Variants in PDE1C observed in about 807,000 individuals in gnomAD.
PDE1C encodes the protein phosphodiesterase 1C, also known as dual specificity calcium/calmodulin-dependent 3',5'-cyclic nucleotide phosphodiesterase 1C.
In PDE1C, 62 loss-of-function variants were observed where a neutral mutation model predicts 93.1. The observed-to-expected ratio is 0.67, with a 90% CI of 0.54 to 0.82. The LOEUF (loss-of-function observed/expected upper bound fraction) is 0.82, where lower values mean the gene tolerates loss of function less well. Among genes scored for constraint, PDE1C ranks in the 40% least tolerant of loss-of-function variants. The pLI is 0.00. For missense variants in PDE1C, 742 were observed against 884.6 expected (o/e 0.84, Z 2.04); for synonymous variants, 325 against 310.1 (o/e 1.05, Z -0.50).
chr7:31,853,342 A>G (rs3801344), intron 7 of PDE1C, among the ~76,000 whole-genome samples: 130,037 of 152,208 alleles, frequency 0.85, 56,074 homozygotes, highest in Non-Finnish European at 0.91. Context: ...AAAGAAAAGT[A>G]GTATCTGGGA....
chr7:32,125,668 C>T (rs544836286), intron 3 of PDE1C, among the ~76,000 whole-genome samples: 136 of 151,590 alleles, frequency 9.0e-4, no homozygotes, highest in African/African-American at 3.1e-3. Flanking sequence ...AGTTGAACAA[C>T]GAGAACACAT....
chr7:32,109,802 A>T (rs1366115310), intron 3 of PDE1C, among the ~76,000 whole-genome samples: 3 of 151,868 alleles, frequency 2.0e-5, no homozygotes, highest in Non-Finnish European at 2.9e-5. Context: ...CTTTAGAGGG[A>T]AGAGGGCCTC....
At chr7:31,677,275 A>C in the PDE1C span, among the ~76,000 whole-genome samples, 1 of 152,182 alleles carries the variant, frequency 6.6e-6, no homozygotes, top group African/African-American at 2.4e-5. Flanking sequence ...TCCAAAGCAC[A>C]GAAAAGAAGA....
At chr7:32,358,034 C>G (rs1231351902) in intron 1 of PDE1C, among the ~76,000 whole-genome samples, 1 of 151,980 alleles carries the variant, frequency 6.6e-6, no homozygotes, top group Non-Finnish European at 1.5e-5. Flanking sequence ...TGACCTTATG[C>G]TCTGGACCGG....
chr7:32,166,313 C>G (rs1802269076), intron 3 of PDE1C, among the ~76,000 whole-genome samples: 1 of 152,090 alleles, frequency 6.6e-6, no homozygotes, highest in African/African-American at 2.4e-5. Context: ...AATTTTCGCA[C>G]CTGGATAGCT....
chr7:32,203,510 C>T (rs773971587), intron 2 of PDE1C, among the ~76,000 whole-genome samples: 20 of 152,168 alleles, frequency 1.3e-4, no homozygotes, highest in Admixed American at 1.2e-3. Flanking sequence ...CACAAAAATA[C>T]GAAGGGCCGC....
the PDE1C span, among the ~76,000 whole-genome samples, chr7:31,719,955 G>A: frequency 6.6e-6 from 1 of 150,946 alleles, no homozygotes; most frequent in African/African-American, 2.5e-5. Context: ...GAGGTCAGGA[G>A]ATCGAGACCA....
rs78248450 is a variant in PDE1C, at chr7:32,066,022, C to G, written c.101+4271G>C. Among the ~76,000 whole-genome samples, 945 of 152,346 alleles carry G rather than the reference C, an allele frequency of 6.2e-3. 15 individuals carry two copies. Among genetic ancestry groups the G allele is most frequent in the African/African-American group, 0.022 (898 of 41,568 alleles). ...TGCTTCCTTTTGAGCACTAGCCTCA[C>G]TGCCTCCTATCATAAAAGGTCTTCT... On this transcript the variant is annotated intron_variant, in intron 1 of 17. Transcript: ENST00000396191.
chr7:32,299,819 G>A (rs747005533), upstream of PDE1C, among the ~76,000 whole-genome samples: 63 of 152,208 alleles, frequency 4.1e-4, 2 homozygotes, highest in Admixed American at 2.6e-4. Context: ...TACAGTTGCA[G>A]TGCTATCAGG....
At chr7:32,070,164 T>C (rs1584693616) in intron 1 of PDE1C, 129 bp downstream of exon 1, 4 of 1,472,268 alleles carry the variant, frequency 2.7e-6, no homozygotes, top group African/African-American at 1.4e-5. Flanking sequence ...AGAGCAGCAG[T>C]TGTGGAACTT....
chr7:31,861,364 A>G (rs1215019751), intron 7 of PDE1C, among the ~76,000 whole-genome samples: 2 of 152,032 alleles, frequency 1.3e-5, no homozygotes, highest in Non-Finnish European at 2.9e-5. Flanking sequence ...TCTTTAGATA[A>G]TCTCATCTAG....
intron 2 of PDE1C, among the ~76,000 whole-genome samples, chr7:31,994,177 A>G (rs79609036): frequency 0.022 from 3,358 of 152,234 alleles, 40 homozygotes; most frequent in African/African-American, 0.028. Context: ...AGGGTCACCA[A>G]TTCCCTGATA....
chr7:32,131,453 A>C (rs892543160), intron 3 of PDE1C, among the ~76,000 whole-genome samples: 2 of 152,154 alleles, frequency 1.3e-5, no homozygotes, highest in Non-Finnish European at 2.9e-5. Context: ...TGAATTTAAA[A>C]TTTTAAATAT....
chr7:32,358,879 C>T (rs1423995262), intron 1 of PDE1C, among the ~76,000 whole-genome samples: 1 of 46,960 alleles, frequency 2.1e-5, no homozygotes. Context: ...CATCATCTAA[C>T]ATTGTGTGTG....
At chr7:31,925,509 T>C (rs562444744) in intron 2 of PDE1C, among the ~76,000 whole-genome samples, 1 of 152,228 alleles carries the variant, frequency 6.6e-6, no homozygotes, top group Admixed American at 6.5e-5. Flanking sequence ...GTGTATAGTA[T>C]CTTGCATTTG....
intron 2 of PDE1C, among the ~76,000 whole-genome samples, chr7:31,968,153 A>G (rs1483893546): frequency 3.3e-5 from 5 of 152,182 alleles, no homozygotes; most frequent in African/African-American, 1.2e-4. Context: ...CAATTAGGAA[A>G]AGAGGAAGTC....
chr7:32,140,819 T>C (rs537632147), intron 3 of PDE1C, among the ~76,000 whole-genome samples: 181 of 152,358 alleles, frequency 1.2e-3, no homozygotes, highest in Non-Finnish European at 2.2e-3. Context: ...GTGGGATGTA[T>C]AATAGAGGCA....
intron 1 of PDE1C, among the ~76,000 whole-genome samples, chr7:32,399,804 G>A (rs1307803566): frequency 6.6e-6 from 1 of 151,592 alleles, no homozygotes; most frequent in Admixed American, 6.6e-5. Flanking sequence ...GGCTGGTCTT[G>A]AACTCCTAGC....
At chr7:32,258,065 T>C (rs1190228763) in intron 1 of PDE1C, among the ~76,000 whole-genome samples, 1 of 152,182 alleles carries the variant, frequency 6.6e-6, no homozygotes, top group African/African-American at 2.4e-5. Flanking sequence ...GGGCAGCAGA[T>C]GAATGGAATA....
Sources: gnomAD v4.1 joint callset for allele counts (sites outside exome capture counted in the v4.1 genomes callset) on GRCh38, gnomAD v4.1.1 for gene constraint, MANE v1.5 for transcripts, NCBI Gene and HGNC (gene_info 2026-07-23, HGNC 2026-07-21) for gene names.